The following CALN1 variants were observed in gnomAD, a reference collection of about 807,000 sequenced individuals.
CALN1 encodes calcium-binding protein 8.
A neutral mutation model predicts 30.6 loss-of-function variants in CALN1; 17 were observed. That is an observed-to-expected ratio of 0.56 (90% confidence interval 0.38 to 0.83). The LOEUF (loss-of-function observed/expected upper bound fraction) is 0.83. Among genes scored for constraint, CALN1 ranks in the 40% least tolerant of loss-of-function variants. CALN1 has a pLI of 0.00. For synonymous variants in CALN1, 156 were observed against 131.4 expected (o/e 1.19, Z -1.28); for missense variants, 291 against 354.9 (o/e 0.82, Z 1.45).
At chr7:72,447,549 G>A (rs1457249069), upstream of CALN1, among the ~76,000 whole-genome samples, 9 of 152,166 alleles carry the variant, frequency 5.9e-5, no homozygotes, top group Admixed American at 5.9e-4. Flanking sequence ...GGCTGCACGG[G>A]ACACTGCCTG....
At position 72,282,960 on chromosome 7, in the gene CALN1, G is replaced by GCCT. The variant is rs1562835689; in HGVS notation, c.120-4151_120-4150insAGG. 1.8e-3 allele frequency among the ~76,000 whole-genome samples: 276 copies of GCCT among 151,530 alleles called. 3 individuals are homozygous for GCCT. Among genetic ancestry groups the GCCT allele is most frequent in the African/African-American group, 6.2e-3 (255 of 41,270 alleles). ...TCCCAGCTCTACTTGGGAGGCTGAG[G>GCCT]CACAAGGATCACTTGAACCCGGGAG... On this transcript the variant is annotated intron_variant, in intron 2 of 6. Coordinates refer to ENST00000395275, the MANE Select transcript of CALN1 (RefSeq NM_031468.4).
chr7:72,066,768 G>A (rs1804049568), intron 4 of CALN1, among the ~76,000 whole-genome samples: 1 of 150,928 alleles, frequency 6.6e-6, no homozygotes, highest in South Asian at 2.1e-4. Context: ...TGCACCACCA[G>A]GCCCAGCTAT....
chr7:72,027,498 G>T (rs956088623), intron 4 of CALN1, among the ~76,000 whole-genome samples: 3 of 150,798 alleles, frequency 2.0e-5, no homozygotes, highest in Non-Finnish European at 4.4e-5. Context: ...ATCACTTAAG[G>T]CCAGGAGTTT....
intron 3 of CALN1, among the ~76,000 whole-genome samples, chr7:72,227,272 G>C (rs1356179108): frequency 6.6e-6 from 1 of 150,816 alleles, no homozygotes; most frequent in East Asian, 2.0e-4. Flanking sequence ...GGGAGTGGTG[G>C]CCTACGTCTG....
chr7:72,442,118 G>C (rs1808366792), intron 1 of CALN1, among the ~76,000 whole-genome samples: 1 of 151,930 alleles, frequency 6.6e-6, no homozygotes, highest in African/African-American at 2.4e-5. Context: ...AAAACAAAAA[G>C]TTCAGAATCC....
intron 4 of CALN1, among the ~76,000 whole-genome samples, chr7:72,046,811 T>C (rs1802503243): frequency 6.7e-6 from 1 of 150,210 alleles, no homozygotes; most frequent in Non-Finnish European, 1.5e-5. Context: ...GAGAATTGCA[T>C]GAGCCCAGGA....
At chr7:72,487,895 A>T in the CALN1 span, among the ~76,000 whole-genome samples, 9 of 81,042 alleles carry the variant, frequency 1.1e-4, no homozygotes, top group Non-Finnish European at 1.9e-4. Context: ...AAAAGAAAAG[A>T]AAGAAAGAAA....
At chr7:72,283,542 G>T (rs1014084388) in intron 2 of CALN1, among the ~76,000 whole-genome samples, 1 of 152,092 alleles carries the variant, frequency 6.6e-6, no homozygotes, top group Non-Finnish European at 1.5e-5. Context: ...ACTCTAAAAA[G>T]ATAAGATATG....
At position 72,323,286 on chromosome 7, in the gene CALN1, T is replaced by G. The variant is rs182980504; in HGVS notation, c.120-44476A>C. 2.8e-3 allele frequency among the ~76,000 whole-genome samples: 431 copies of G among 152,180 alleles called. 1 individual carries two copies. Among genetic ancestry groups the G allele is most frequent in the Non-Finnish European group, 3.6e-3 (245 of 67,994 alleles). ...GGATGAACCCACGCTACCAGGCATC[T>G]CATGAAAAGGCAGTGATTCTGGAAG... On this transcript the variant is annotated intron_variant, in intron 2 of 6. Transcript: ENST00000395275.
chr7:72,065,254 C>G (rs1025769524), intron 4 of CALN1, among the ~76,000 whole-genome samples: 2 of 151,932 alleles, frequency 1.3e-5, no homozygotes, highest in Admixed American at 1.3e-4. Flanking sequence ...GGCCAGCAAT[C>G]TCAACTATTA....
At chr7:72,289,895 T>C (rs1374284190) in intron 2 of CALN1, among the ~76,000 whole-genome samples, 1 of 151,754 alleles carries the variant, frequency 6.6e-6, no homozygotes, top group Non-Finnish European at 1.5e-5. Context: ...CTGGGCAACA[T>C]AGCAAGACCT....
At chr7:72,133,252 TAC>T (rs1337602674) in intron 3 of CALN1, among the ~76,000 whole-genome samples, 2 of 152,164 alleles carry the variant, frequency 1.3e-5, no homozygotes, top group Non-Finnish European at 2.9e-5. Flanking sequence ...CAAGTGGAAA[TAC>T]AGAGTCATGT....
chr7:72,261,907 AGG>A (rs1269383380), intron 3 of CALN1, among the ~76,000 whole-genome samples: 1 of 152,224 alleles, frequency 6.6e-6, no homozygotes, highest in African/African-American at 2.4e-5. Context: ...AAACCGCAAG[AGG>A]AGTGAGAATA....
intron 5 of CALN1, among the ~76,000 whole-genome samples, chr7:71,821,316 T>TG (rs2116320301): frequency 1.3e-5 from 2 of 152,300 alleles, no homozygotes; most frequent in East Asian, 3.9e-4. Flanking sequence ...CGTTTTCATA[T>TG]TCTTCTAATG....
At chr7:71,921,098 A>G (rs1334680330) in intron 5 of CALN1, among the ~76,000 whole-genome samples, 1 of 152,196 alleles carries the variant, frequency 6.6e-6, no homozygotes, top group African/African-American at 2.4e-5. Context: ...GCAAACCAAC[A>G]CAAGAACAGA....
chr7:72,337,013 G>A lies in CALN1; in HGVS notation c.120-58203C>T, dbSNP rs1004751531. 25 of 985,450 alleles carry A rather than the reference G, an allele frequency of 2.5e-5. No individual in the cohort carries two copies. The South Asian group carries it at 9.4e-4, about 37-fold the overall frequency. The allele number at this position is 985,450 out of a possible 1,614,324, so 61.0% of individuals were successfully genotyped here. A position where few individuals can be genotyped will look rare whatever the true frequency, so the allele number is the denominator to read the frequency against. ...TCCTTGTCCTCTGCTCTCGTCTGGG[G>A]ACGTGTGCCCCGCACCCCCTGCACC... On this transcript the variant is annotated intron_variant, in intron 2 of 6. Coordinates refer to ENST00000395275, the MANE Select transcript of CALN1 (RefSeq NM_031468.4).
chr7:72,361,213 C>T (rs1024866233), intron 2 of CALN1, among the ~76,000 whole-genome samples: 1 of 152,152 alleles, frequency 6.6e-6, no homozygotes, highest in African/African-American at 2.4e-5. Context: ...TCCAGCCCCA[C>T]GCCTGGAGAC....
intron 2 of CALN1, among the ~76,000 whole-genome samples, chr7:72,390,295 G>A (rs374227804): frequency 6.6e-6 from 1 of 152,064 alleles, no homozygotes; most frequent in Non-Finnish European, 1.5e-5. Context: ...GCGGGGCATG[G>A]TGGCAGGCAC....
chr7:71,906,045 G>A (rs1425381322), intron 5 of CALN1, among the ~76,000 whole-genome samples: 3 of 152,144 alleles, frequency 2.0e-5, no homozygotes, highest in African/African-American at 7.2e-5. Context: ...AGAACAGCAT[G>A]GGGGAAACTG....
Sources: allele counts gnomAD v4.1 joint callset (sites outside exome capture counted in the v4.1 genomes callset), GRCh38; gene constraint gnomAD v4.1.1; transcripts MANE v1.5; gene names NCBI Gene and HGNC (gene_info 2026-07-23, HGNC 2026-07-21).